Variants in MACF1 observed in about 807,000 individuals in gnomAD.
MACF1 encodes microtubule actin crosslinking factor 1, also known as microtubule-actin cross-linking factor 1.
In MACF1, 193 loss-of-function variants were observed where a neutral mutation model predicts 854.8. The ratio of observed to expected loss-of-function variants is 0.23; its 90% CI spans 0.20 to 0.25. The LOEUF (loss-of-function observed/expected upper bound fraction) is 0.25. Ranked by LOEUF, MACF1 falls within the 10% of genes least tolerant of loss-of-function variation. MACF1 has a pLI of 1.00. For missense variants in MACF1, 7,722 were observed against 8,929.1 expected, an observed-to-expected ratio of 0.86 and a Z score of 5.45; for synonymous variants, 3,185 against 3,226.7, an observed-to-expected ratio of 0.99 and a Z score of 0.44.
intron 58 of MACF1, among the ~76,000 whole-genome samples, chr1:39,422,093 A>G (rs1179504537): frequency 1.3e-5 from 2 of 152,178 alleles, no homozygotes; most frequent in Non-Finnish European, 2.9e-5. Context: ...ACAAAAAAAA[A>G]TTAAGCAACA....
Position 39,361,604 on chromosome 1 carries a change from A to G in MACF1, c.12698A>G (p.Glu4233Gly). 6.2e-7 allele frequency: 1 copy of G among 1,614,214 alleles called. No individual in the cohort carries two copies. The highest frequency in any genetic ancestry group is 2.2e-5 in the East Asian group (1 of 44,882). ...TCTGGTAAGCTGCAGCAGTTCATGG[A>G]AAACAAAAGTCGGATGCTGGCCTCT... ...HLSGKLQQFMENKSRMLASGN... is the reference protein window; with the variant it reads ...HLSGKLQQFMGNKSRMLASGN... The change falls in exon 49 of 101, where the codon GAA (glutamate) becomes GGA (glycine). Residue 4233 changes from glutamate to glycine, a missense_variant. Physicochemically the swap from Glu to Gly is moderately conservative, Grantham distance 98 (BLOSUM62 -2). Transcript: ENST00000564288.
Position 39,295,862 on chromosome 1 carries a change from G to A in MACF1, c.2335G>A (p.Glu779Lys). The A allele has an allele frequency of 1.2e-6, 2 of 1,614,074 alleles. No individual in the cohort carries two copies. The highest frequency in any genetic ancestry group is 1.7e-6 in the Non-Finnish European group (2 of 1,179,970). Reference sequence around the variant, plus strand: ...CCTGTGTGTTGAGCAGCATGTGAAAGAGAATACTGCTTATTTTCAGGTGTG... The same window carrying A: ...CCTGTGTGTTGAGCAGCATGTGAAAAAGAATACTGCTTATTTTCAGGTGTG... ...LCLCVEQHVK[E>K]NTAYFQFFSD... The change falls in exon 20 of 101, where the codon GAG (glutamate) becomes AAG (lysine). Residue 779 changes from glutamate (E) to lysine (K), a missense_variant. Physicochemically the swap from Glu to Lys is moderately conservative, Grantham distance 56 (BLOSUM62 1). Transcript: ENST00000564288.
At chr1:39,317,465 A>G in intron 29 of MACF1, 58 bp downstream of exon 29, 1 of 1,541,414 alleles carries the variant, frequency 6.5e-7, no homozygotes, top group African/African-American at 1.4e-5. Flanking sequence ...GTCTTAAACA[A>G]AAACAGAGTT....
chr1:39,093,660 AT>A (rs932808125), intron 2 of MACF1, among the ~76,000 whole-genome samples: 1 of 151,434 alleles, frequency 6.6e-6, no homozygotes, highest in Non-Finnish European at 1.5e-5. Flanking sequence ...TAATTTTTGT[AT>A]TTTTAGTAGA....
chr1:39,262,397 C>CAAAAAAAAAAAA (rs56376033), intron 6 of MACF1, among the ~76,000 whole-genome samples: 2 of 68,804 alleles, frequency 2.9e-5, no homozygotes, highest in Non-Finnish European at 4.9e-5. Context: ...GACTCCATCA[C>CAAAAAAAAAAAA]AAAAAAAAAA....
chr1:39,135,617 G>A (rs1643146004), intron 2 of MACF1, among the ~76,000 whole-genome samples: 1 of 152,122 alleles, frequency 6.6e-6, no homozygotes, highest in African/African-American at 2.4e-5. Flanking sequence ...GGATGAAGTA[G>A]AACAATATCC....
chr1:39,328,645 AC>A (rs1345046821), intron 36 of MACF1: 3 of 152,336 alleles, frequency 2.0e-5, no homozygotes, highest in African/African-American at 7.2e-5. Context: ...TGTGTGTGAT[AC>A]GGCTGAGCTG....
intron 43 of MACF1, 80 bp from the exon 44 acceptor site, chr1:39,352,927 C>T (rs1557604626): frequency 1.1e-6 from 1 of 910,496 alleles, no homozygotes; most frequent in South Asian, 1.5e-5. Context: ...TATCTCCTCC[C>T]CTTTACCCCA....
chr1:39,190,031 T>C (rs1320948280), intron 2 of MACF1, among the ~76,000 whole-genome samples: 7 of 152,188 alleles, frequency 4.6e-5, no homozygotes, highest in Non-Finnish European at 8.8e-5. Flanking sequence ...AGTTAAACGA[T>C]CCTGAAGTCA....
intron 16 of MACF1, among the ~76,000 whole-genome samples, chr1:39,292,342 A>G (rs1461950753): frequency 6.6e-6 from 1 of 152,148 alleles, no homozygotes; most frequent in East Asian, 1.9e-4. Context: ...TGCCTCTATA[A>G]ATTCAGGCAC....
At chr1:39,136,884 T>C (rs974265090) in intron 2 of MACF1, among the ~76,000 whole-genome samples, 4 of 152,254 alleles carry the variant, frequency 2.6e-5, no homozygotes, top group African/African-American at 7.2e-5. Context: ...CGTGAGAGTG[T>C]TCAGTTTGAA....
chr1:39,098,897 T>C (rs1477634595), intron 2 of MACF1, among the ~76,000 whole-genome samples: 1 of 152,178 alleles, frequency 6.6e-6, no homozygotes, highest in Non-Finnish European at 1.5e-5. Flanking sequence ...GAGGCAAAGC[T>C]TAGAAAAGGT....
intron 47 of MACF1, among the ~76,000 whole-genome samples, chr1:39,360,282 C>T (rs750198216): frequency 1.3e-5 from 2 of 151,576 alleles, no homozygotes; most frequent in Non-Finnish European, 2.9e-5. Flanking sequence ...GACAGTACTT[C>T]TAGTATTAAT....
rs772209552 is a variant in MACF1, at chr1:39,254,366, G to C, written c.426G>C (p.Lys142Asn). The change falls in exon 5 of 101, where the codon AAG becomes AAC. Residue 142 changes from lysine (K) to asparagine (N), a missense_variant. By Grantham distance (94) the Lys-to-Asn change is moderately conservative. Around this residue, in one of 15 missense-constraint regions of MACF1, gnomAD observed 108 missense variants for 196.4 expected, o/e 0.55. Coordinates refer to ENST00000564288, the MANE Select transcript of MACF1 (RefSeq NM_001394062.1). ...TGCAGATTGCCCTGGACTTCCTAAAGCAGCGACAGGTAAGACCATCACATG... is the reference window on the plus strand; with the variant it reads ...TGCAGATTGCCCTGGACTTCCTAAACCAGCGACAGGTAAGACCATCACATG... ...QNVQIALDFL[K>N]QRQVKLVNIR... 1 of 1,614,114 alleles carries C rather than the reference G, an allele frequency of 6.2e-7. No individual in the cohort carries two copies. Among genetic ancestry groups the C allele is most frequent in the Non-Finnish European group, 8.5e-7 (1 of 1,179,972 alleles).
chr1:39,242,138 A>C (rs1425680820), intron 2 of MACF1, among the ~76,000 whole-genome samples: 1 of 152,190 alleles, frequency 6.6e-6, no homozygotes, highest in Non-Finnish European at 1.5e-5. Flanking sequence ...ACTTGAGACC[A>C]GGAGTTCAAG....
chr1:39,161,271 C>T (rs1643793099), intron 2 of MACF1, among the ~76,000 whole-genome samples: 1 of 151,996 alleles, frequency 6.6e-6, no homozygotes. Context: ...CAGACCTGTG[C>T]CATGACTGGG....
chr1:39,485,843 T>C lies in MACF1; in HGVS notation c.*49T>C. 1 of 1,506,374 alleles carries C rather than the reference T, an allele frequency of 6.6e-7. No homozygotes were observed. Among genetic ancestry groups the C allele is most frequent in the South Asian group, 1.3e-5 (1 of 74,910 alleles). The allele number at this position is 1,506,374 out of a possible 1,614,324, so 93.3% of individuals were successfully genotyped here. On this transcript the variant is annotated 3_prime_UTR_variant, in exon 101 of 101. Transcript: ENST00000564288. ...ACTATCCACTTTGAATCCTGCTCCATACATTGGGTGTATATTTATTCTGAA... is the reference window on the plus strand; with the variant it reads ...ACTATCCACTTTGAATCCTGCTCCACACATTGGGTGTATATTTATTCTGAA...
intron 58 of MACF1, among the ~76,000 whole-genome samples, chr1:39,395,751 T>G (rs569140142): frequency 6.8e-6 from 1 of 147,530 alleles, no homozygotes; most frequent in African/African-American, 2.5e-5. Context: ...TCTGTAATAA[T>G]CCTCTCCACC....
chr1:39,245,052 G>A (rs1261875378), intron 2 of MACF1, among the ~76,000 whole-genome samples: 1 of 152,090 alleles, frequency 6.6e-6, no homozygotes, highest in Admixed American at 6.6e-5. Flanking sequence ...ACTATAGTCA[G>A]ACAAAGATTG....
Sources: allele counts gnomAD v4.1 joint callset (sites outside exome capture counted in the v4.1 genomes callset), GRCh38; gene constraint gnomAD v4.1.1; regional missense constraint gnomAD v4.1.1; transcripts MANE v1.5; gene names NCBI Gene and HGNC (gene_info 2026-07-23, HGNC 2026-07-21).